ASIC2: variants seen among roughly 807,000 people sequenced by gnomAD.
ASIC2 encodes acid sensing ion channel subunit 2, also known as acid-sensing ion channel 2.
In ASIC2, 25 loss-of-function variants were observed where a neutral mutation model predicts 57.3. The ratio of observed to expected loss-of-function variants is 0.44; its 90% confidence interval spans 0.32 to 0.61. The LOEUF is 0.61. ASIC2 is among the 20% of genes least tolerant of loss of function. ASIC2 has a pLI of 0.06. For synonymous variants in ASIC2, 319 were observed against 307.5 expected, an observed-to-expected ratio of 1.04 and a Z score of -0.39; for missense variants, 641 against 738.1, an observed-to-expected ratio of 0.87 and a Z score of 1.52.
chr17:34,107,712 A>C (rs1481863981), intron 1 of ASIC2, among the ~76,000 whole-genome samples: 1 of 152,176 alleles, frequency 6.6e-6, no homozygotes, highest in Non-Finnish European at 1.5e-5. Context: ...TAAGGTACTC[A>C]AAATAGTTTG....
At chr17:33,904,112 G>A (rs534382502) in intron 1 of ASIC2, among the ~76,000 whole-genome samples, 20 of 129,304 alleles carry the variant, frequency 1.5e-4, no homozygotes, top group Admixed American at 2.9e-4. Flanking sequence ...GCAGTGAACC[G>A]AGATCGCGCC....
intron 1 of ASIC2, among the ~76,000 whole-genome samples, chr17:33,702,312 G>A (rs577416930): frequency 2.6e-5 from 4 of 152,156 alleles, no homozygotes; most frequent in South Asian, 2.1e-4. Flanking sequence ...GGTTAGAGGG[G>A]GGGTATCACT....
chr17:33,636,879 CCA>C (rs765523479), intron 1 of ASIC2, among the ~76,000 whole-genome samples: 17 of 149,784 alleles, frequency 1.1e-4, no homozygotes, highest in Admixed American at 5.3e-4. Context: ...GCACACACAC[CCA>C]CACACACACA....
At chr17:33,791,172 G>A (rs569122913) in intron 1 of ASIC2, among the ~76,000 whole-genome samples, 60 of 152,292 alleles carry the variant, frequency 3.9e-4, no homozygotes, top group Middle Eastern at 3.4e-3. Context: ...AAGCCATGAG[G>A]ATTTATGTCA....
chr17:33,664,469 A>AT (rs2142047344), intron 1 of ASIC2, among the ~76,000 whole-genome samples: 1 of 152,326 alleles, frequency 6.6e-6, no homozygotes, highest in Non-Finnish European at 1.5e-5. Flanking sequence ...GGAGTATACA[A>AT]GATGATCCAA....
At chr17:33,444,809 C>G (rs2141986268) in intron 1 of ASIC2, among the ~76,000 whole-genome samples, 2 of 152,326 alleles carry the variant, frequency 1.3e-5, no homozygotes, top group South Asian at 4.1e-4. Context: ...CCTAACTTGA[C>G]CATAAATAAC....
intron 1 of ASIC2, among the ~76,000 whole-genome samples, chr17:33,847,786 A>G (rs1913652094): frequency 1.3e-5 from 2 of 152,214 alleles, no homozygotes; most frequent in Non-Finnish European, 2.9e-5. Context: ...AGAGGAAAGT[A>G]CAGGCCAATG....
intron 3 of ASIC2, among the ~76,000 whole-genome samples, chr17:33,077,121 C>T (rs2092091948): frequency 6.6e-6 from 1 of 151,962 alleles, no homozygotes; most frequent in African/African-American, 2.4e-5. Context: ...GATGCAGCTC[C>T]CCTTCTGCTT....
chr17:33,699,477 C>T (rs914369785), intron 1 of ASIC2, among the ~76,000 whole-genome samples: 4 of 152,166 alleles, frequency 2.6e-5, no homozygotes, highest in African/African-American at 9.6e-5. Flanking sequence ...GATGCATTTC[C>T]TAGGAAAGCA....
chr17:33,228,630 T>G (rs1907975503), intron 1 of ASIC2, among the ~76,000 whole-genome samples: 1 of 152,174 alleles, frequency 6.6e-6, no homozygotes, highest in African/African-American at 2.4e-5. Context: ...CATGTGAGAG[T>G]GATTGTGTAT....
At chr17:33,477,867 A>G (rs1913280677) in intron 1 of ASIC2, among the ~76,000 whole-genome samples, 5 of 152,216 alleles carry the variant, frequency 3.3e-5, no homozygotes, top group Admixed American at 3.3e-4. Flanking sequence ...AGAAAGACAT[A>G]GAGGCTGGAG....
intron 1 of ASIC2, among the ~76,000 whole-genome samples, chr17:33,905,237 T>C (rs2701468): frequency 6.7e-6 from 1 of 148,612 alleles, no homozygotes; most frequent in African/African-American, 2.5e-5. Flanking sequence ...GACTATTAAG[T>C]GGCAGAACTG....
chr17:33,108,896 T>C (rs1046996407), intron 2 of ASIC2, among the ~76,000 whole-genome samples: 1 of 147,418 alleles, frequency 6.8e-6, no homozygotes, highest in African/African-American at 2.5e-5. Context: ...ATATGGGAGG[T>C]GGCTGCAAAA....
At chr17:33,102,206 A>G (rs1460398928) in intron 2 of ASIC2, among the ~76,000 whole-genome samples, 1 of 152,158 alleles carries the variant, frequency 6.6e-6, no homozygotes, top group Non-Finnish European at 1.5e-5. Flanking sequence ...TGGGAAACCA[A>G]ATTCTACTCT....
At chr17:33,043,210 C>T (rs2091936867) in intron 3 of ASIC2, among the ~76,000 whole-genome samples, 1 of 152,218 alleles carries the variant, frequency 6.6e-6, no homozygotes, top group African/African-American at 2.4e-5. Context: ...CAGGCGTGAG[C>T]CACCACACTC....
intron 1 of ASIC2, among the ~76,000 whole-genome samples, chr17:34,015,216 G>T (rs9892726): frequency 0.48 from 73,499 of 151,706 alleles, 18,517 homozygotes; most frequent in Middle Eastern, 0.55. Flanking sequence ...GCCTATCCCC[G>T]CTCTTCATCT....
At chr17:33,353,298 C>T (rs911233469) in intron 1 of ASIC2, among the ~76,000 whole-genome samples, 4 of 152,096 alleles carry the variant, frequency 2.6e-5, no homozygotes, top group Non-Finnish European at 5.9e-5. Context: ...TTTTGACCCT[C>T]GACCTCTACC....
chr17:33,173,930 C>A lies in ASIC2; in HGVS notation c.709-61863G>T, dbSNP rs770770513. On this transcript the variant is annotated intron_variant, in intron 1 of 9. Transcript: ENST00000225823. ...GTTCCAGGCAATCAGATGAGAGTAGCCTTTGAAGTGTTGAGCTGCTCCATT... is the reference window on the plus strand; with the variant it reads ...GTTCCAGGCAATCAGATGAGAGTAGACTTTGAAGTGTTGAGCTGCTCCATT... 5.1e-4 allele frequency among the ~76,000 whole-genome samples: 77 copies of A among 152,176 alleles called. 1 individual carries two copies. Among genetic ancestry groups the A allele is most frequent in the Non-Finnish European group, 4.1e-4 (28 of 68,030 alleles).
intron 1 of ASIC2, among the ~76,000 whole-genome samples, chr17:33,370,093 A>G (rs1908988491): frequency 6.6e-6 from 1 of 152,204 alleles, no homozygotes; most frequent in African/African-American, 2.4e-5. Context: ...TGCTGATGGC[A>G]TAAGGGAGAC....
Sources: gnomAD v4.1 joint callset for allele counts (sites outside exome capture counted in the v4.1 genomes callset) on GRCh38, gnomAD v4.1.1 for gene constraint, MANE v1.5 for transcripts, NCBI Gene and HGNC (gene_info 2026-07-23, HGNC 2026-07-21) for gene names.